Variants in PTPRT observed in about 807,000 individuals in gnomAD.
PTPRT encodes the protein protein tyrosine phosphatase receptor type T.
PTPRT carries 56 observed loss-of-function variants against 176.8 expected under a neutral mutation model. The ratio of observed to expected loss-of-function variants is 0.32; its 90% CI spans 0.26 to 0.40. PTPRT has a LOEUF of 0.40. PTPRT is among the 10% of genes least tolerant of loss of function. The pLI, the probability that PTPRT is intolerant of heterozygous loss-of-function variation, is 1.00. For synonymous variants in PTPRT, 783 were observed against 739.0 expected (o/e 1.06, Z -0.96); for missense variants, 1,540 against 1,908.2 (o/e 0.81, Z 3.60).
At chr20:42,999,041 C>T (rs1028828709) in intron 1 of PTPRT, among the ~76,000 whole-genome samples, 2 of 152,180 alleles carry the variant, frequency 1.3e-5, no homozygotes, top group African/African-American at 4.8e-5. Context: ...TGCCTCCACC[C>T]ATTTTTGCCT....
intron 3 of PTPRT, among the ~76,000 whole-genome samples, chr20:42,781,905 C>T (rs1489146332): frequency 1.3e-5 from 2 of 152,198 alleles, no homozygotes; most frequent in South Asian, 2.1e-4. Flanking sequence ...GTGCCACTTG[C>T]TAGTTAGTAG....
At chr20:42,884,186 T>C (rs903030862) in intron 2 of PTPRT, among the ~76,000 whole-genome samples, 1 of 152,064 alleles carries the variant, frequency 6.6e-6, no homozygotes, top group Non-Finnish European at 1.5e-5. Context: ...TGTTCCACAC[T>C]GCCTTGCTAA....
chr20:42,985,640 A>ATT (rs1419367976), intron 1 of PTPRT, among the ~76,000 whole-genome samples: 1 of 152,188 alleles, frequency 6.6e-6, no homozygotes, highest in Non-Finnish European at 1.5e-5. Flanking sequence ...CTTTTTTAAA[A>ATT]ATACAGACTT....
chr20:42,262,937 G>T (rs866221348), intron 13 of PTPRT, among the ~76,000 whole-genome samples: 16 of 152,172 alleles, frequency 1.1e-4, no homozygotes, highest in African/African-American at 3.6e-4. Context: ...GCCAGTAAAG[G>T]TTTTGCAGAG....
intron 1 of PTPRT, among the ~76,000 whole-genome samples, chr20:42,892,051 G>A (rs867396217): frequency 6.6e-6 from 1 of 152,202 alleles, no homozygotes; most frequent in Admixed American, 6.5e-5. Context: ...TTGCCCAGGG[G>A]CTATAGTTTG....
At chr20:42,940,213 T>C (rs1007639660) in intron 1 of PTPRT, among the ~76,000 whole-genome samples, 4 of 152,142 alleles carry the variant, frequency 2.6e-5, no homozygotes, top group African/African-American at 9.7e-5. Context: ...GGAGCCAAGA[T>C]TTGAATATAG....
At chr20:42,266,327 A>G (rs6072672) in intron 13 of PTPRT, among the ~76,000 whole-genome samples, 1 of 151,926 alleles carries the variant, frequency 6.6e-6, no homozygotes, top group African/African-American at 2.4e-5. Flanking sequence ...CAGATCTGCC[A>G]CTGGGGATGA....
chr20:42,900,391 C>T (rs575130367), intron 1 of PTPRT, among the ~76,000 whole-genome samples: 44 of 152,274 alleles, frequency 2.9e-4, no homozygotes, highest in African/African-American at 1.0e-3. Flanking sequence ...GCAGAGACTC[C>T]TAGCAAACAT....
chr20:42,299,615 A>G (rs1209357730), intron 12 of PTPRT, among the ~76,000 whole-genome samples: 1 of 143,576 alleles, frequency 7.0e-6, no homozygotes, highest in Non-Finnish European at 1.5e-5. Context: ...ATGTTGGACT[A>G]GAATGGAGGT....
chr20:42,842,374 C>T (rs2078293648), intron 2 of PTPRT, among the ~76,000 whole-genome samples: 1 of 152,180 alleles, frequency 6.6e-6, no homozygotes, highest in Admixed American at 6.5e-5. Flanking sequence ...TTGTCTTCTT[C>T]ACTTCAGACT....
rs572257365 is a variant in PTPRT, at chr20:43,125,178, T to A, written c.88+64468A>T. 1.4e-4 allele frequency among the ~76,000 whole-genome samples: 20 copies of A among 143,538 alleles called. No homozygotes were observed. In the South Asian group the frequency reaches 4.3e-3, roughly 31 times the overall value. The allele number at this position is 143,538 out of a possible 152,430, so 94.2% of individuals were successfully genotyped here. A position where few individuals can be genotyped will look rare whatever the true frequency, so the allele number is the denominator to read the frequency against. ...ACCTAGCTGATTTTTTTTTTTTTTTTAAGTAGAAATGAGGTTTCATCATGT... is the reference window on the plus strand; with the variant it reads ...ACCTAGCTGATTTTTTTTTTTTTTTAAAGTAGAAATGAGGTTTCATCATGT... On this transcript the variant is annotated intron_variant, in intron 1 of 30. Transcript: ENST00000373187.
At chr20:42,233,314 T>C (rs1196482952) in intron 15 of PTPRT, among the ~76,000 whole-genome samples, 1 of 152,210 alleles carries the variant, frequency 6.6e-6, no homozygotes, top group Non-Finnish European at 1.5e-5. Flanking sequence ...TCCAGAGTCA[T>C]ATGCATATGA....
intron 7 of PTPRT, among the ~76,000 whole-genome samples, chr20:42,484,293 G>A (rs115438755): frequency 0.012 from 1,772 of 152,036 alleles, 21 homozygotes; most frequent in African/African-American, 0.04. Flanking sequence ...AAGTATTTGC[G>A]TCCTAACAAA....
chr20:42,035,111 G>A, the PTPRT span, among the ~76,000 whole-genome samples: 9 of 152,104 alleles, frequency 5.9e-5, no homozygotes, highest in African/African-American at 1.7e-4. Context: ...GCCCATGTCC[G>A]TCTGGGACAT....
chr20:42,743,025 C>A (rs1055482716), intron 6 of PTPRT, among the ~76,000 whole-genome samples: 8 of 152,306 alleles, frequency 5.3e-5, no homozygotes, highest in African/African-American at 1.9e-4. Context: ...TCCTCACTCA[C>A]GTGCAGAAGA....
chr20:42,277,212 C>T (rs981153069), intron 13 of PTPRT, among the ~76,000 whole-genome samples: 2 of 152,068 alleles, frequency 1.3e-5, no homozygotes, highest in African/African-American at 2.4e-5. Flanking sequence ...TTAATGGGAT[C>T]GTTAGAGAGT....
intron 2 of PTPRT, among the ~76,000 whole-genome samples, chr20:42,816,612 T>C (rs1392474032): frequency 6.6e-6 from 1 of 152,100 alleles, no homozygotes; most frequent in East Asian, 1.9e-4. Context: ...TCTCATGAGA[T>C]GTGATGGTTT....
At position 42,486,489 on chromosome 20, in the gene PTPRT, A is replaced by C. The variant is rs562275494; in HGVS notation, c.1154-13927T>G. Among the ~76,000 whole-genome samples the C allele has an allele frequency of 3.4e-3, 512 of 152,260 alleles. 3 individuals carry two copies. The highest frequency in any genetic ancestry group is 0.014 in the Middle Eastern group (4 of 294). Reference sequence around the variant, plus strand: ...TGAACTGTGTGACATTGAAAAAATAATTTTACCCTTCCTGGCCCCAGATTT... The same window carrying C: ...TGAACTGTGTGACATTGAAAAAATACTTTTACCCTTCCTGGCCCCAGATTT... On this transcript the variant is annotated intron_variant, in intron 7 of 30. Transcript: ENST00000373187.
chr20:42,248,548 CCCA>C, intron 14 of PTPRT, 136 bp downstream of exon 14: 6 of 1,153,300 alleles, frequency 5.2e-6, no homozygotes, highest in Non-Finnish European at 7.4e-6. Context: ...CCACAGCCGG[CCCA>C]TGTATTTCCG....
Sources: allele counts gnomAD v4.1 joint callset (sites outside exome capture counted in the v4.1 genomes callset), GRCh38; gene constraint gnomAD v4.1.1; transcripts MANE v1.5; gene names NCBI Gene and HGNC (gene_info 2026-07-23, HGNC 2026-07-21).